The following UNC13B variants were observed in gnomAD, a reference collection of about 807,000 sequenced individuals.
The protein encoded by UNC13B is unc-13 homolog B, also known as protein unc-13 homolog B.
UNC13B carries 144 observed loss-of-function variants against 211.0 expected under a neutral mutation model. The ratio of observed to expected loss-of-function variants is 0.68; its 90% CI spans 0.60 to 0.78. The LOEUF (loss-of-function observed/expected upper bound fraction) is 0.78. Among genes scored for constraint, UNC13B ranks in the 30% least tolerant of loss-of-function variants. UNC13B has a pLI of 0.00. For missense variants in UNC13B, 1,777 were observed against 2,002.0 expected, an observed-to-expected ratio of 0.89 and a Z score of 2.14; for synonymous variants, 709 against 725.8, an observed-to-expected ratio of 0.98 and a Z score of 0.37.
chr9:35,370,545 T>C (rs921351504), intron 13 of UNC13B, 149 bp downstream of exon 13: 2 of 685,322 alleles, frequency 2.9e-6, no homozygotes, highest in Non-Finnish European at 4.8e-6. Flanking sequence ...GACTTAGCAG[T>C]GGCTTCACAG....
intron 3 of UNC13B, among the ~76,000 whole-genome samples, chr9:35,233,634 T>G (rs900871377): frequency 1.3e-5 from 2 of 152,202 alleles, no homozygotes; most frequent in African/African-American, 4.8e-5. Flanking sequence ...TTCTCCATGA[T>G]GTATTATGTG....
intron 1 of UNC13B, among the ~76,000 whole-genome samples, chr9:35,211,815 G>T (rs1823981300): frequency 6.6e-6 from 1 of 152,120 alleles, no homozygotes; most frequent in Admixed American, 6.5e-5. Context: ...TTAAATTTTG[G>T]CTGGGTGTGG....
At chr9:35,212,918 C>A (rs1049528648) in intron 1 of UNC13B, among the ~76,000 whole-genome samples, 5 of 152,188 alleles carry the variant, frequency 3.3e-5, no homozygotes, top group Admixed American at 3.3e-4. Flanking sequence ...ATTACATACA[C>A]CTAGATTTTA....
At chr9:35,316,442 G>C (rs945415576) in intron 11 of UNC13B, among the ~76,000 whole-genome samples, 3 of 152,120 alleles carry the variant, frequency 2.0e-5, no homozygotes, top group East Asian at 3.9e-4. Context: ...TTATTGAAAA[G>C]ATAGCTGCTT....
At chr9:35,379,057 G>A (rs894717047) in intron 17 of UNC13B, among the ~76,000 whole-genome samples, 7 of 152,076 alleles carry the variant, frequency 4.6e-5, no homozygotes, top group East Asian at 3.8e-4. Context: ...ATGCTTTGTC[G>A]CTCCCTAATA....
At chr9:35,214,210 C>G (rs928688850) in intron 1 of UNC13B, among the ~76,000 whole-genome samples, 1 of 152,064 alleles carries the variant, frequency 6.6e-6, no homozygotes, top group African/African-American at 2.4e-5. Flanking sequence ...AGTGGATCAC[C>G]TGAGGTCAGG....
At chr9:35,232,442 A>G (rs1825270686) in intron 3 of UNC13B, among the ~76,000 whole-genome samples, 1 of 151,782 alleles carries the variant, frequency 6.6e-6, no homozygotes, top group Non-Finnish European at 1.5e-5. Context: ...TTGGCCTCCC[A>G]AAGCTGTGGG....
At chr9:35,280,327 A>G (rs1219554255) in intron 7 of UNC13B, among the ~76,000 whole-genome samples, 1 of 152,198 alleles carries the variant, frequency 6.6e-6, no homozygotes, top group Non-Finnish European at 1.5e-5. Flanking sequence ...TTCAAAAGGT[A>G]ACATACTCCA....
intron 11 of UNC13B, among the ~76,000 whole-genome samples, chr9:35,324,670 A>C (rs1291649876): frequency 1.3e-5 from 2 of 152,194 alleles, no homozygotes; most frequent in East Asian, 3.8e-4. Flanking sequence ...CTGTTTTGAC[A>C]TCTAAGAAAC....
intron 6 of UNC13B, among the ~76,000 whole-genome samples, chr9:35,246,215 A>G (rs1169379989): frequency 6.6e-6 from 1 of 151,018 alleles, no homozygotes; most frequent in Non-Finnish European, 1.5e-5. Flanking sequence ...TTTTCTTGTA[A>G]ATTTGTTTGA....
intron 31 of UNC13B, 122 bp from the exon 32 acceptor site, chr9:35,398,432 G>A (rs1266967261): frequency 3.7e-6 from 5 of 1,347,638 alleles, no homozygotes; most frequent in South Asian, 2.5e-5. Flanking sequence ...AGGCATTCGG[G>A]TAAGGCCCTG....
chr9:35,379,507 G>A (rs747859129), intron 17 of UNC13B, among the ~76,000 whole-genome samples: 1 of 152,094 alleles, frequency 6.6e-6, no homozygotes, highest in Non-Finnish European at 1.5e-5. Context: ...CTAATCCAGA[G>A]ATAATATTAA....
chr9:35,403,867 C>T lies in UNC13B; in HGVS notation c.12857C>T (p.Thr4286Ile). The T allele has an allele frequency of 1.2e-6, 2 of 1,614,160 alleles. No homozygotes were observed. Among genetic ancestry groups the T allele is most frequent in the East Asian group, 2.2e-5 (1 of 44,876 alleles). The change falls in exon 40 of 40, where the codon ACA becomes ATA. Residue 4286 changes from threonine to isoleucine, a missense_variant. Transcript: ENST00000635942. ...GCTGTGATGCCTCTGAGGGATGTCACAGCCAAGGGCAGCTGTGCCTGCTGG... is the reference window on the plus strand; with the variant it reads ...GCTGTGATGCCTCTGAGGGATGTCATAGCCAAGGGCAGCTGTGCCTGCTGG... ...GLAVMPLRDV[T>I]AKGSCACWCP...
chr9:35,258,379 T>C (rs1231204580), intron 6 of UNC13B, among the ~76,000 whole-genome samples: 3 of 152,220 alleles, frequency 2.0e-5, no homozygotes, highest in Non-Finnish European at 4.4e-5. Context: ...ATAATTCTTT[T>C]CCTTTTATGG....
At chr9:35,401,814 C>A in intron 37 of UNC13B, 1 of 775,892 alleles carries the variant, frequency 1.3e-6, no homozygotes, top group Non-Finnish European at 2.1e-6. Flanking sequence ...TCTTTCTCCA[C>A]TCTGCCCCAC....
At chr9:35,283,217 G>A (rs1828608574) in intron 7 of UNC13B, among the ~76,000 whole-genome samples, 1 of 151,778 alleles carries the variant, frequency 6.6e-6, no homozygotes, top group Non-Finnish European at 1.5e-5. Flanking sequence ...CCCTTCTTTA[G>A]GCCATACATT....
intron 5 of UNC13B, among the ~76,000 whole-genome samples, chr9:35,240,170 G>A (rs1825729188): frequency 6.6e-6 from 1 of 152,206 alleles, no homozygotes; most frequent in Non-Finnish European, 1.5e-5. Flanking sequence ...AAATGTCCAT[G>A]AAATCTTCAC....
chr9:35,198,481 C>T (rs147798790), intron 1 of UNC13B, among the ~76,000 whole-genome samples: 4 of 152,280 alleles, frequency 2.6e-5, no homozygotes, highest in Non-Finnish European at 4.4e-5. Flanking sequence ...TTTCTTTATA[C>T]AGTATGTAGT....
At chr9:35,328,447 G>A (rs1176048918) in intron 11 of UNC13B, among the ~76,000 whole-genome samples, 3 of 152,148 alleles carry the variant, frequency 2.0e-5, no homozygotes, top group Non-Finnish European at 4.4e-5. Context: ...TATCTGCTAA[G>A]CAGCAGCCCA....
Sources: allele counts gnomAD v4.1 joint callset (sites outside exome capture counted in the v4.1 genomes callset), GRCh38; gene constraint gnomAD v4.1.1; transcripts MANE v1.5; gene names NCBI Gene and HGNC (gene_info 2026-07-23, HGNC 2026-07-21).